Variants in KIAA0825 observed in about 807,000 individuals in gnomAD.
The protein encoded by KIAA0825 is KIAA0825.
In KIAA0825, 119 loss-of-function variants were observed where a neutral mutation model predicts 147.6. The observed-to-expected ratio is 0.81, with a 90% CI of 0.69 to 0.94. The LOEUF (loss-of-function observed/expected upper bound fraction) is 0.94. KIAA0825 is among the 40% of genes least tolerant of loss of function. KIAA0825 has a pLI of 0.00. For missense variants in KIAA0825, 1,381 were observed against 1,472.7 expected, an observed-to-expected ratio of 0.94 and a Z score of 1.02; for synonymous variants, 470 against 518.1, an observed-to-expected ratio of 0.91 and a Z score of 1.26.
At chr5:94,296,946 T>G (rs558247700) in intron 20 of KIAA0825, among the ~76,000 whole-genome samples, 2 of 152,318 alleles carry the variant, frequency 1.3e-5, no homozygotes, top group South Asian at 4.1e-4. Flanking sequence ...ATAATGTCAG[T>G]AATAAAATAA....
At chr5:94,276,332 C>T (rs967887754) in intron 20 of KIAA0825, among the ~76,000 whole-genome samples, 2 of 152,058 alleles carry the variant, frequency 1.3e-5, no homozygotes, top group African/African-American at 4.8e-5. Context: ...GTGTCCTTCC[C>T]AATTGCTCAG....
At chr5:94,276,227 C>T (rs1444441287) in intron 20 of KIAA0825, among the ~76,000 whole-genome samples, 2 of 152,192 alleles carry the variant, frequency 1.3e-5, no homozygotes, top group African/African-American at 2.4e-5. Context: ...TGAGTGGTTA[C>T]GGGCATGGCA....
chr5:94,494,541 T>C lies in KIAA0825; in HGVS notation c.971-9611A>G, dbSNP rs192072993. 7.0e-4 allele frequency among the ~76,000 whole-genome samples: 106 copies of C among 152,238 alleles called. 1 individual carries two copies. The highest frequency in any genetic ancestry group is 2.4e-3 in the African/African-American group (101 of 41,542). On this transcript the variant is annotated intron_variant, in intron 5 of 20. Transcript: ENST00000682413. ...CCAGTTGTAAATACTTAGATATGCT[T>C]AGATATGCTGACACTTTGAGGGAAC...
intron 20 of KIAA0825, among the ~76,000 whole-genome samples, chr5:94,181,702 A>G (rs1455045991): frequency 6.6e-6 from 1 of 152,228 alleles, no homozygotes; most frequent in Admixed American, 6.5e-5. Context: ...ACATCAAGGT[A>G]AAGAGAATAA....
intron 14 of KIAA0825, among the ~76,000 whole-genome samples, chr5:94,422,324 G>A (rs1754295812): frequency 1.3e-5 from 2 of 152,110 alleles, no homozygotes; most frequent in South Asian, 4.1e-4. Context: ...AAGAATGTGA[G>A]TAATCAGATC....
At chr5:94,618,274 G>A (rs765318490) in intron 1 of KIAA0825, 1 of 152,248 alleles carries the variant, frequency 6.6e-6, no homozygotes, top group Non-Finnish European at 1.5e-5. Flanking sequence ...GGTGACCCGA[G>A]GTCGAGTTCC....
At chr5:94,155,907 A>G (rs991768798) in intron 20 of KIAA0825, among the ~76,000 whole-genome samples, 10 of 152,176 alleles carry the variant, frequency 6.6e-5, no homozygotes, top group African/African-American at 2.4e-4. Context: ...TTTAGCCCAC[A>G]AGATTTTCTT....
At position 94,454,036 on chromosome 5, in the gene KIAA0825, G is replaced by A. The variant is rs192271131; in HGVS notation, c.2247-967C>T. Among the ~76,000 whole-genome samples, 225 of 152,182 alleles carry A rather than the reference G, an allele frequency of 1.5e-3. 1 individual carries two copies. Among genetic ancestry groups the A allele is most frequent in the Middle Eastern group, 6.8e-3 (2 of 292 alleles). On this transcript the variant is annotated intron_variant, in intron 12 of 20. Coordinates refer to ENST00000682413, the MANE Select transcript of KIAA0825 (RefSeq NM_001145678.3). ...TTTCAAAATTAAAACAATGTAACCC[G>A]AATATCTGATCTACGGCTATCAACA...
At chr5:94,458,421 G>T (rs1317886627) in intron 12 of KIAA0825, among the ~76,000 whole-genome samples, 1 of 152,150 alleles carries the variant, frequency 6.6e-6, no homozygotes, top group African/African-American at 2.4e-5. Context: ...AGCAATTGTG[G>T]GTGGTAGACA....
At chr5:94,238,332 G>A (rs1364433764) in intron 20 of KIAA0825, among the ~76,000 whole-genome samples, 1 of 152,156 alleles carries the variant, frequency 6.6e-6, no homozygotes, top group Non-Finnish European at 1.5e-5. Context: ...AGTGATAACT[G>A]AAAATTTATA....
At chr5:94,205,808 T>G (rs755927828) in intron 20 of KIAA0825, among the ~76,000 whole-genome samples, 9 of 152,124 alleles carry the variant, frequency 5.9e-5, no homozygotes, top group South Asian at 2.1e-4. Context: ...TTTCCCCTAT[T>G]CCATGACTTG....
chr5:94,258,300 T>A (rs2150129154), intron 20 of KIAA0825, among the ~76,000 whole-genome samples: 1 of 152,062 alleles, frequency 6.6e-6, no homozygotes, highest in South Asian at 2.1e-4. Context: ...AAACTGAGAG[T>A]CAAGACGCCT....
rs1376749052 is a variant in KIAA0825, at chr5:94,195,469, C to CTG, written c.3711-41347_3711-41346dup. Among the ~76,000 whole-genome samples the CTG allele has an allele frequency of 1.1e-4, 16 of 152,234 alleles. No homozygotes were observed. In the East Asian group the frequency reaches 3.1e-3, roughly 29 times the overall value. The stretch of plus-strand genomic sequence containing the variant: ...TGGCAGATACAAAATGACTTTTTGT[C>CTG]TGTGTGTGTGCAATTAAAACAGATT... On this transcript the variant is annotated intron_variant, in intron 20 of 20. Transcript: ENST00000682413.
At chr5:94,261,819 C>T (rs1196470624) in intron 20 of KIAA0825, among the ~76,000 whole-genome samples, 2 of 152,054 alleles carry the variant, frequency 1.3e-5, no homozygotes, top group Non-Finnish European at 2.9e-5. Context: ...ATTCCCACTG[C>T]CACTGTCCTA....
chr5:94,437,307 T>C (rs1756503271), intron 14 of KIAA0825, among the ~76,000 whole-genome samples: 1 of 152,214 alleles, frequency 6.6e-6, no homozygotes, highest in African/African-American at 2.4e-5. Context: ...ACAAGAATTC[T>C]ATTGGAGATT....
At chr5:94,603,648 A>G (rs1585018635) in intron 1 of KIAA0825, among the ~76,000 whole-genome samples, 1 of 152,308 alleles carries the variant, frequency 6.6e-6, no homozygotes. Context: ...ATAAAGAACC[A>G]AGACCCAATT....
chr5:94,384,205 G>C (rs998550293), intron 20 of KIAA0825, among the ~76,000 whole-genome samples, 163 bp downstream of exon 20: 28 of 151,966 alleles, frequency 1.8e-4, no homozygotes, highest in African/African-American at 6.3e-4. Flanking sequence ...TTAAAAGATG[G>C]GAGGCTGGAG....
intron 20 of KIAA0825, among the ~76,000 whole-genome samples, chr5:94,319,169 G>A (rs1170763965): frequency 1.3e-5 from 2 of 151,850 alleles, no homozygotes; most frequent in Non-Finnish European, 2.9e-5. Flanking sequence ...GAGACAAATA[G>A]TGTCCCTTGA....
At chr5:94,568,643 A>C (rs1208652250) in intron 2 of KIAA0825, 4 of 152,380 alleles carry the variant, frequency 2.6e-5, no homozygotes, top group Non-Finnish European at 5.9e-5. Context: ...CCTAGACCTC[A>C]ACTACTTAAC....
Sources: allele counts gnomAD v4.1 joint callset (sites outside exome capture counted in the v4.1 genomes callset), GRCh38; gene constraint gnomAD v4.1.1; transcripts MANE v1.5; gene names NCBI Gene and HGNC (gene_info 2026-07-23, HGNC 2026-07-21).